KIF5B: variants seen among roughly 807,000 people sequenced by gnomAD.
KIF5B encodes the protein kinesin family member 5B, also known as kinesin-1 heavy chain.
A neutral mutation model predicts 132.8 loss-of-function variants in KIF5B; 49 were observed. The ratio of observed to expected loss-of-function variants is 0.37; its 90% CI spans 0.29 to 0.47. KIF5B has a LOEUF of 0.47. Among genes scored for constraint, KIF5B ranks in the 20% least tolerant of loss-of-function variants. The pLI is 1.00. For synonymous variants in KIF5B, 355 were observed against 369.4 expected (o/e 0.96, Z 0.45); for missense variants, 780 against 1,144.0 (o/e 0.68, Z 4.59).
chr10:32,054,988 G>C (rs559101522), intron 1 of KIF5B, among the ~76,000 whole-genome samples: 1 of 152,094 alleles, frequency 6.6e-6, no homozygotes, highest in Non-Finnish European at 1.5e-5. Flanking sequence ...TCTAATACTG[G>C]TCAATTTTTA....
intron 12 of KIF5B, 23 bp downstream of exon 12, chr10:32,033,822 G>A (rs1394664074): frequency 6.5e-7 from 1 of 1,547,632 alleles, no homozygotes; most frequent in South Asian, 1.1e-5. Flanking sequence ...ATATAAAGCA[G>A]ACCTAAATCA....
intron 2 of KIF5B, among the ~76,000 whole-genome samples, chr10:32,042,752 A>C (rs1298344496): frequency 2.6e-5 from 4 of 152,224 alleles, no homozygotes; most frequent in African/African-American, 9.6e-5. Flanking sequence ...ATACTGTATC[A>C]ACAGAAAAAA....
rs371018606 is a variant in KIF5B at position 32,024,064 on chromosome 10, C to CAA, written c.1726-1030_1726-1029dup. Among the ~76,000 whole-genome samples, 207 of 100,088 alleles carry CAA rather than the reference C, an allele frequency of 2.1e-3. 5 individuals carry two copies. The highest frequency in any genetic ancestry group is 8.5e-3 in the East Asian group (25 of 2,930). 65.7% of individuals were successfully genotyped at this position (100,088 alleles called of 152,430 possible). On this transcript the variant is annotated intron_variant, in intron 15 of 25. Coordinates refer to ENST00000302418, the MANE Select transcript of KIF5B (RefSeq NM_004521.3). ...TGACGTTGAGAGTAAAAAAAAAAAACAAAAAAAAAAAAACAAGACACAGAG... is the reference window on the plus strand; with the variant it reads ...TGACGTTGAGAGTAAAAAAAAAAAACAAAAAAAAAAAAAAACAAGACACAGAG...
chr10:32,022,179 C>T lies in KIF5B; in HGVS notation c.1993G>A (p.Asp665Asn), dbSNP rs74782671. Residue 665 changes from aspartate to asparagine, a missense_variant, in exon 17 of 26, where the codon GAT becomes AAT. Physicochemically the swap from Asp to Asn is conservative, Grantham distance 23. Coordinates refer to ENST00000302418, the MANE Select transcript of KIF5B (RefSeq NM_004521.3). ...TGGACTAGTTCTTCACTGAGGGCAT[C>T]GACAGATTCCTCCAACTGTCTTTTC... Reference protein sequence around the residue: ...QKKRQLEESVDALSEELVQLR... With the variant: ...QKKRQLEESVNALSEELVQLR... The T allele has an allele frequency of 3.1e-6, 5 of 1,612,250 alleles. No individual in the cohort carries two copies. The highest frequency in any genetic ancestry group is 4.2e-6 in the Non-Finnish European group (5 of 1,178,688).
rs112072740 is a variant in KIF5B at position 32,032,607 on chromosome 10, T to C, written c.1374+99A>G. ...ATTCTTATTCCCACAAAGACAGTCATACCCAAAATTATACAACTATTAAAG... is the reference window on the plus strand; with the variant it reads ...ATTCTTATTCCCACAAAGACAGTCACACCCAAAATTATACAACTATTAAAG... On this transcript the variant is annotated intron_variant, in intron 13 of 25. Transcript: ENST00000302418. 2,365 of 898,664 alleles carry C rather than the reference T, an allele frequency of 2.6e-3. 34 individuals carry two copies. In the African/African-American group the frequency reaches 0.033, roughly 12 times the overall value. 55.7% of individuals were successfully genotyped at this position (898,664 alleles called of 1,614,324 possible).
At chr10:32,026,740 T>C (rs1841339450) in intron 15 of KIF5B, among the ~76,000 whole-genome samples, 1 of 152,158 alleles carries the variant, frequency 6.6e-6, no homozygotes, top group Non-Finnish European at 1.5e-5. Context: ...GTCTAAAAAG[T>C]TGCAAATCTA....
chr10:32,042,374 A>AT (rs1841553696), intron 2 of KIF5B, among the ~76,000 whole-genome samples: 1 of 152,196 alleles, frequency 6.6e-6, no homozygotes, highest in Non-Finnish European at 1.5e-5. Context: ...GGAAAGCAAA[A>AT]TTATTTCATG....
rs1184747882 is a variant in KIF5B, at chr10:32,040,936, C to G, written c.215-479G>C. Among the ~76,000 whole-genome samples, 3 of 148,972 alleles carry G rather than the reference C, an allele frequency of 2.0e-5. No individual in the cohort carries two copies. In the South Asian group the frequency reaches 6.4e-4, roughly 32 times the overall value. The stretch of plus-strand genomic sequence containing the variant: ...CGGGCAGGTGGAGGTTGCAGTGAGC[C>G]GAGATCGCGCCACTGCACTCCAGTC... On this transcript the variant is annotated intron_variant, in intron 2 of 25. Transcript: ENST00000302418.
chr10:32,053,586 T>C (rs1164727948), intron 1 of KIF5B, among the ~76,000 whole-genome samples: 2 of 151,738 alleles, frequency 1.3e-5, no homozygotes, highest in Non-Finnish European at 2.9e-5. Context: ...TAGCTGGGCG[T>C]GGTAGCGCGT....
At chr10:32,017,799 A>G (rs1841195866) in intron 23 of KIF5B, among the ~76,000 whole-genome samples, 1 of 152,250 alleles carries the variant, frequency 6.6e-6, no homozygotes, top group Non-Finnish European at 1.5e-5. Context: ...TGAATAAATT[A>G]TGAAAATGCA....
chr10:32,014,331 C>T (rs984934765), intron 25 of KIF5B, among the ~76,000 whole-genome samples: 10 of 147,562 alleles, frequency 6.8e-5, no homozygotes, highest in South Asian at 2.3e-4. Flanking sequence ...GCAGAGGTTG[C>T]GGTGAGCCAA....
chr10:32,056,118 GCGGCCGGGGAGCCGGGA>G lies in KIF5B; in HGVS notation c.-162_-146del. Reference sequence around the variant, plus strand: ...CCGCGCTGCGCTTCCCCGGGTGGAGGCGGCCGGGGAGCCGGGACTTGAAGAGCCGGCGCCGGCAGCCG... The same window carrying G: ...CCGCGCTGCGCTTCCCCGGGTGGAGGCTTGAAGAGCCGGCGCCGGCAGCCG... On this transcript the variant is annotated 5_prime_UTR_variant, in exon 1 of 26. Transcript: ENST00000302418. 1.0e-6 allele frequency: 1 copy of G among 995,048 alleles called. No homozygotes were observed. The highest frequency in any genetic ancestry group is 1.4e-6 in the Non-Finnish European group (1 of 703,608). 61.6% of individuals were successfully genotyped at this position (995,048 alleles called of 1,614,324 possible).
At chr10:32,025,541 AGTT>A (rs1387956199) in intron 15 of KIF5B, among the ~76,000 whole-genome samples, 1 of 152,058 alleles carries the variant, frequency 6.6e-6, no homozygotes, top group Non-Finnish European at 1.5e-5. Context: ...ATGCCTGGCT[AGTT>A]TTTTTATTTT....
intron 2 of KIF5B, among the ~76,000 whole-genome samples, chr10:32,042,784 C>T (rs1311474680): frequency 6.6e-6 from 1 of 152,166 alleles, no homozygotes; most frequent in Non-Finnish European, 1.5e-5. Context: ...AGTGAGATAA[C>T]AGCACATCAC....
intron 14 of KIF5B, among the ~76,000 whole-genome samples, chr10:32,030,127 T>G (rs995322996): frequency 6.6e-6 from 1 of 152,220 alleles, no homozygotes; most frequent in African/African-American, 2.4e-5. Flanking sequence ...AGCTCCTCCA[T>G]GATGATGTTG....
At position 32,019,905 on chromosome 10, in the gene KIF5B, C is replaced by T. The variant is rs1185648139; in HGVS notation, c.2259G>A (p.Lys753=). ...TCTTTTCCTGATCTGTGGCTTTCAACTTCTCATGTTCTACTCTTAGACGTT... is the reference window on the plus strand; with the variant it reads ...TCTTTTCCTGATCTGTGGCTTTCAATTTCTCATGTTCTACTCTTAGACGTT... ...EQERLRVEHE[K]LKATDQEKSR... Residue 753 remains lysine, a synonymous_variant, in exon 20 of 26, where the codon AAG becomes AAA. Coordinates refer to ENST00000302418, the MANE Select transcript of KIF5B (RefSeq NM_004521.3). 2 of 1,612,328 alleles carry T rather than the reference C, an allele frequency of 1.2e-6. No homozygotes were observed. The highest frequency in any genetic ancestry group is 2.2e-5 in the East Asian group (1 of 44,786).
intron 1 of KIF5B, among the ~76,000 whole-genome samples, chr10:32,049,529 T>A (rs530286688): frequency 6.6e-6 from 1 of 152,272 alleles, no homozygotes; most frequent in Non-Finnish European, 1.5e-5. Flanking sequence ...AAGAACAGTG[T>A]AGCATTCAAG....
chr10:32,022,090 A>T, intron 17 of KIF5B, 50 bp downstream of exon 17: 1 of 876,802 alleles, frequency 1.1e-6, no homozygotes, highest in Non-Finnish European at 1.8e-6. Flanking sequence ...TACTACAATT[A>T]TACTAAAATA....
chr10:32,056,220 G>GCGA lies in KIF5B; in HGVS notation c.-248_-247insTCG, dbSNP rs1450775406. ...AGCCATGGCGGCGGCAGCGGCGGCG[G>GCGA]CACCGGGGAGAGCGTCCGCGGCTCC... On this transcript the variant is annotated 5_prime_UTR_variant, in exon 1 of 26. Transcript: ENST00000302418. 1 of 476,438 alleles carries GCGA rather than the reference G, an allele frequency of 2.1e-6. No individual in the cohort carries two copies. Among genetic ancestry groups the GCGA allele is most frequent in the African/African-American group, 2.1e-5 (1 of 47,510 alleles). The allele number at this position is 476,438 out of a possible 1,614,324, so 29.5% of individuals were successfully genotyped here.
Sources: allele counts gnomAD v4.1 joint callset (sites outside exome capture counted in the v4.1 genomes callset), GRCh38; gene constraint gnomAD v4.1.1; transcripts MANE v1.5; gene names NCBI Gene and HGNC (gene_info 2026-07-23, HGNC 2026-07-21).